Variants in TUSC3 observed in about 807,000 individuals in gnomAD.
TUSC3 encodes dolichyl-diphosphooligosaccharide--protein glycosyltransferase subunit TUSC3.
In TUSC3, 45 loss-of-function variants were observed where a neutral mutation model predicts 44.8. That is an observed-to-expected ratio of 1.00 (90% confidence interval 0.79 to 1.29). The LOEUF (loss-of-function observed/expected upper bound fraction) is 1.29, where lower values mean the gene tolerates loss of function less well. TUSC3 is among the 50% of genes most tolerant of loss of function. TUSC3 has a pLI of 0.00. For synonymous variants in TUSC3, 212 were observed against 152.9 expected, an observed-to-expected ratio of 1.39 and a Z score of -2.85; for missense variants, 519 against 437.9, an observed-to-expected ratio of 1.19 and a Z score of -1.65.
chr8:15,684,853 C>T (rs558724517), intron 6 of TUSC3, among the ~76,000 whole-genome samples: 1 of 152,266 alleles, frequency 6.6e-6, no homozygotes, highest in Admixed American at 6.5e-5. Context: ...GCAGACTGCT[C>T]CTAGACCTCC....
intron 1 of TUSC3, among the ~76,000 whole-genome samples, chr8:15,449,606 A>T (rs543016176): frequency 6.6e-6 from 1 of 152,262 alleles, no homozygotes; most frequent in African/African-American, 2.4e-5. Flanking sequence ...AATGGAGGTT[A>T]TTGAGGGAGG....
chr8:15,432,569 T>C (rs1472686158), intron 1 of TUSC3, among the ~76,000 whole-genome samples: 1 of 152,206 alleles, frequency 6.6e-6, no homozygotes, highest in Non-Finnish European at 1.5e-5. Context: ...TATAATTTTT[T>C]CTTGATAATG....
At chr8:15,800,923 C>G in the TUSC3 span, among the ~76,000 whole-genome samples, 1 of 152,276 alleles carries the variant, frequency 6.6e-6, no homozygotes, top group South Asian at 2.1e-4. Flanking sequence ...CTTTTCTGGT[C>G]ACTTAATCAT....
At chr8:15,616,948 A>G (rs1221135564) in intron 1 of TUSC3, among the ~76,000 whole-genome samples, 1 of 152,152 alleles carries the variant, frequency 6.6e-6, no homozygotes, top group African/African-American at 2.4e-5. Flanking sequence ...AGTGGGCAGA[A>G]TGAGCCCAGC....
At chr8:15,527,263 C>G (rs1284264987) in intron 2 of TUSC3, among the ~76,000 whole-genome samples, 2 of 152,148 alleles carry the variant, frequency 1.3e-5, no homozygotes, top group Non-Finnish European at 2.9e-5. Flanking sequence ...GTCACCCAGG[C>G]TGGAGTATAG....
rs1431699981 is a variant in TUSC3 at position 15,730,671 on chromosome 8, C to T, written c.804C>T (p.Tyr268=). ...HKNPHNGQVS[Y]IHGSSQAQFV... ...CTGTTTGTCTTCTTTTATAGAGCTA[C>T]ATTCATGGGAGCAGCCAGGCTCAGT... Residue 268 remains tyrosine, a synonymous_variant, in exon 7 of 11, where the codon TAC becomes TAT. Transcript: ENST00000503731. 1 of 1,612,842 alleles carries T rather than the reference C, an allele frequency of 6.2e-7. No homozygotes were observed. The highest frequency in any genetic ancestry group is 1.7e-5 in the Admixed American group (1 of 59,914).
chr8:15,613,551 C>A (rs1804854185), intron 1 of TUSC3, among the ~76,000 whole-genome samples: 1 of 152,074 alleles, frequency 6.6e-6, no homozygotes. Flanking sequence ...TTGCCTGCTG[C>A]CATGTTAAGA....
chr8:15,677,381 A>T (rs572565131), intron 6 of TUSC3, among the ~76,000 whole-genome samples: 1 of 152,168 alleles, frequency 6.6e-6, no homozygotes, highest in Non-Finnish European at 1.5e-5. Context: ...AGATTTTGAT[A>T]AGAGAAAGTA....
the TUSC3 span, among the ~76,000 whole-genome samples, chr8:15,775,637 T>TAC: frequency 9.5e-6 from 1 of 105,542 alleles, no homozygotes; most frequent in Non-Finnish European, 2.0e-5. Context: ...CAGACACATA[T>TAC]ATATATATAT....
At chr8:15,698,032 C>T (rs4240180) in intron 6 of TUSC3, among the ~76,000 whole-genome samples, 93,034 of 152,036 alleles carry the variant, frequency 0.61, 30,261 homozygotes, top group Non-Finnish European at 0.73. Context: ...TTAATATACA[C>T]CATACAAATT....
chr8:15,475,336 C>G (rs1800560879), intron 1 of TUSC3, among the ~76,000 whole-genome samples: 1 of 152,164 alleles, frequency 6.6e-6, no homozygotes, highest in African/African-American at 2.4e-5. Flanking sequence ...TGTTAATTTT[C>G]TACACTGCAT....
At chr8:15,692,877 T>A (rs1200784592) in intron 6 of TUSC3, among the ~76,000 whole-genome samples, 1 of 152,158 alleles carries the variant, frequency 6.6e-6, no homozygotes, top group South Asian at 2.1e-4. Flanking sequence ...GATAGTTAGA[T>A]CCTCTCGTTG....
intron 1 of TUSC3, among the ~76,000 whole-genome samples, chr8:15,460,802 T>A (rs1800335205): frequency 6.6e-6 from 1 of 152,120 alleles, no homozygotes; most frequent in Non-Finnish European, 1.5e-5. Context: ...TCCCCCACTT[T>A]GTTTTTGTTT....
chr8:15,418,849 T>A (rs572303591), intron 1 of TUSC3, among the ~76,000 whole-genome samples: 103 of 152,094 alleles, frequency 6.8e-4, no homozygotes, highest in Non-Finnish European at 1.1e-3. Context: ...TTACAAAAAA[T>A]TTAAAACTTA....
intron 6 of TUSC3, among the ~76,000 whole-genome samples, chr8:15,687,037 C>T (rs939182915): frequency 6.6e-6 from 1 of 152,026 alleles, no homozygotes; most frequent in Non-Finnish European, 1.5e-5. Flanking sequence ...CGTGCCACTG[C>T]ACTGCAGCCT....
intron 1 of TUSC3, among the ~76,000 whole-genome samples, chr8:15,545,268 G>A (rs1801824614): frequency 6.6e-6 from 1 of 151,472 alleles, no homozygotes. Context: ...ATTTGTACTG[G>A]TTCCTTGAGC....
chr8:15,706,266 A>G (rs1809612617), intron 6 of TUSC3, among the ~76,000 whole-genome samples: 1 of 151,540 alleles, frequency 6.6e-6, no homozygotes, highest in Non-Finnish European at 1.5e-5. Context: ...AGAGTCTAAT[A>G]GTGTTAATTC....
At chr8:15,532,877 C>G (rs1452764030) in intron 2 of TUSC3, among the ~76,000 whole-genome samples, 1 of 152,134 alleles carries the variant, frequency 6.6e-6, no homozygotes, top group African/African-American at 2.4e-5. Flanking sequence ...ACTGCAACCT[C>G]CACCTCCCAG....
the TUSC3 span, among the ~76,000 whole-genome samples, chr8:15,800,249 C>T: frequency 6.6e-6 from 1 of 152,138 alleles, no homozygotes; most frequent in Non-Finnish European, 1.5e-5. Context: ...TCTTCTGATA[C>T]CACCACTTGA....
Sources: gnomAD v4.1 joint callset for allele counts (sites outside exome capture counted in the v4.1 genomes callset) on GRCh38, gnomAD v4.1.1 for gene constraint, MANE v1.5 for transcripts, NCBI Gene and HGNC (gene_info 2026-07-23, HGNC 2026-07-21) for gene names.